Variants in CCDC3 observed in about 807,000 individuals in gnomAD.
CCDC3 encodes coiled-coil domain containing 3.
In CCDC3, 24 loss-of-function variants were observed where a neutral mutation model predicts 21.4. That is an observed-to-expected ratio of 1.12 (90% CI 0.81 to 1.58). The LOEUF is 1.58. CCDC3 is among the 40% of genes most tolerant of loss of function. The pLI is 0.00. For missense variants in CCDC3, 425 were observed against 360.9 expected (o/e 1.18, Z -1.44); for synonymous variants, 186 against 166.0 (o/e 1.12, Z -0.93).
At position 12,922,463 on chromosome 10, in the gene CCDC3, C is replaced by T. The variant is rs1487702269; in HGVS notation, c.550-23784G>A. Among the ~76,000 whole-genome samples the T allele has an allele frequency of 7.2e-5, 11 of 152,180 alleles. No homozygotes were observed. The East Asian group carries it at 1.7e-3, about 24-fold the overall frequency. On this transcript the variant is annotated intron_variant, in intron 2 of 2. Transcript: ENST00000378825. ...AGCAGTTGACCCAACCCCCAGAAACCTATTCTCTCCTCCACAAAATGGGGC... is the reference window on the plus strand; with the variant it reads ...AGCAGTTGACCCAACCCCCAGAAACTTATTCTCTCCTCCACAAAATGGGGC...
chr10:13,089,084 T>G (rs1837148246), intron 3 of CCDC3, among the ~76,000 whole-genome samples: 1 of 151,820 alleles, frequency 6.6e-6, no homozygotes, highest in African/African-American at 2.4e-5. Flanking sequence ...CTACGACAAA[T>G]TCCCTCCTCA....
At chr10:13,066,122 G>T (rs1836817397) in intron 4 of CCDC3, among the ~76,000 whole-genome samples, 1 of 152,052 alleles carries the variant, frequency 6.6e-6, no homozygotes, top group African/African-American at 2.4e-5. Context: ...AATATCTGGA[G>T]TTGAGCCTAG....
chr10:12,996,870 C>G (rs1564314196), intron 2 of CCDC3, among the ~76,000 whole-genome samples: 1 of 152,048 alleles, frequency 6.6e-6, no homozygotes, highest in Non-Finnish European at 1.5e-5. Context: ...ATAATGGGAG[C>G]TAAACATTGA....
intron 2 of CCDC3, among the ~76,000 whole-genome samples, chr10:12,904,081 G>A (rs1021000634): frequency 6.6e-6 from 1 of 151,952 alleles, no homozygotes; most frequent in Non-Finnish European, 1.5e-5. Flanking sequence ...CCAGTCATCG[G>A]TCTGTACACT....
intron 2 of CCDC3, among the ~76,000 whole-genome samples, chr10:12,973,100 TG>T (rs1835366519): frequency 6.6e-6 from 1 of 152,220 alleles, no homozygotes; most frequent in Non-Finnish European, 1.5e-5. Context: ...CCTTACTACG[TG>T]CCAGGTGCTC....
chr10:13,051,037 C>G (rs906560067), intron 4 of CCDC3, among the ~76,000 whole-genome samples: 14 of 152,148 alleles, frequency 9.2e-5, no homozygotes, highest in Admixed American at 9.2e-4. Flanking sequence ...GCCATCCTTC[C>G]ACCTTAGCCA....
At chr10:12,992,432 A>C (rs1038695620) in intron 2 of CCDC3, among the ~76,000 whole-genome samples, 1 of 152,206 alleles carries the variant, frequency 6.6e-6, no homozygotes, top group Admixed American at 6.5e-5. Context: ...CATTGAGATA[A>C]AGAAAATGTA....
chr10:12,988,415 C>A (rs1008306135), intron 2 of CCDC3, among the ~76,000 whole-genome samples: 2 of 152,084 alleles, frequency 1.3e-5, no homozygotes, highest in Non-Finnish European at 2.9e-5. Flanking sequence ...AGTGCAATCT[C>A]AGCTCACTGC....
chr10:12,983,680 A>T (rs1564308719), intron 2 of CCDC3, among the ~76,000 whole-genome samples: 2 of 151,936 alleles, frequency 1.3e-5, no homozygotes, highest in Non-Finnish European at 2.9e-5. Flanking sequence ...AAAAAAAAAA[A>T]AAATGGGCAA....
chr10:12,958,039 C>A (rs1438009107), intron 2 of CCDC3, among the ~76,000 whole-genome samples: 2 of 151,938 alleles, frequency 1.3e-5, no homozygotes, highest in Non-Finnish European at 2.9e-5. Flanking sequence ...GTTGGCCAGG[C>A]TCGGTTCCAA....
chr10:13,007,651 A>G (rs1835940723), intron 5 of CCDC3, among the ~76,000 whole-genome samples: 1 of 152,190 alleles, frequency 6.6e-6, no homozygotes, highest in African/African-American at 2.4e-5. Flanking sequence ...ACACTTCTGA[A>G]GCAATAATGG....
At chr10:13,037,218 T>C (rs1836389032) in intron 5 of CCDC3, among the ~76,000 whole-genome samples, 1 of 152,198 alleles carries the variant, frequency 6.6e-6, no homozygotes, top group Non-Finnish European at 1.5e-5. Context: ...TTAATAATTA[T>C]CAACGTTTTA....
Position 12,943,090 on chromosome 10 carries a change from G to A in CCDC3, c.550-44411C>T, listed in dbSNP as rs142242919. Among the ~76,000 whole-genome samples the A allele has an allele frequency of 6.0e-3, 907 of 152,170 alleles. 9 individuals carry two copies. Among genetic ancestry groups the A allele is most frequent in the African/African-American group, 0.021 (864 of 41,490 alleles). On this transcript the variant is annotated intron_variant, in intron 2 of 2. Coordinates refer to ENST00000378825, the MANE Select transcript of CCDC3 (RefSeq NM_031455.4). Reference sequence around the variant, plus strand: ...ATTACCAAAATTAAGTTATAAAAGAGCTTTATTTAATTGGCTTAAGCGCTT... The same window carrying A: ...ATTACCAAAATTAAGTTATAAAAGAACTTTATTTAATTGGCTTAAGCGCTT...
In CCDC3 at chr10:13,066,004, C is replaced by G. The variant is rs1272086392; in HGVS notation, c.-270+7864G>C. 3.9e-5 allele frequency among the ~76,000 whole-genome samples: 6 copies of G among 152,164 alleles called. 1 individual carries two copies. The East Asian group carries it at 1.2e-3, about 29-fold the overall frequency. ...CTGCAACTGACCAACTCTGCCCTTGCTTAGGGTAATGTTTCTCTAAAAGAG... is the reference window on the plus strand; with the variant it reads ...CTGCAACTGACCAACTCTGCCCTTGGTTAGGGTAATGTTTCTCTAAAAGAG... On this transcript the variant is annotated intron_variant, in intron 4 of 6. Coordinates refer to the CCDC3 transcript ENST00000378839.
At position 13,046,726 on chromosome 10, in the gene CCDC3, G is replaced by A. The variant is rs1472915300; in HGVS notation, c.-2+2948C>T. 2.0e-5 allele frequency among the ~76,000 whole-genome samples: 3 copies of A among 149,530 alleles called. No homozygotes were observed. The Admixed American group carries it at 2.0e-4, about 10-fold the overall frequency. The stretch of plus-strand genomic sequence containing the variant: ...CCGTCTCAAAAAAAAAAAAAAAGAA[G>A]AAGAAGAAGAAGTAGACAAGAATGG... On this transcript the variant is annotated intron_variant, in intron 5 of 6. Coordinates refer to the CCDC3 transcript ENST00000378839.
At chr10:13,021,108 G>C (rs2580882) in intron 5 of CCDC3, among the ~76,000 whole-genome samples, 19,866 of 152,232 alleles carry the variant, frequency 0.13, 1,423 homozygotes, top group Middle Eastern at 0.19. Flanking sequence ...TGTAGGCTTT[G>C]AGGTATAGAC....
At chr10:13,027,122 C>T (rs1332322997) in intron 5 of CCDC3, among the ~76,000 whole-genome samples, 1 of 152,150 alleles carries the variant, frequency 6.6e-6, no homozygotes, top group East Asian at 1.9e-4. Flanking sequence ...GAAAACAAAA[C>T]CTCTGAAGAA....
chr10:12,998,025 G>A (rs1475411467), intron 2 of CCDC3, among the ~76,000 whole-genome samples: 1 of 152,200 alleles, frequency 6.6e-6, no homozygotes, highest in Non-Finnish European at 1.5e-5. Context: ...GCCTGATATA[G>A]ATGCTACTAT....
intron 2 of CCDC3, among the ~76,000 whole-genome samples, chr10:12,934,683 T>A (rs1834707136): frequency 6.6e-6 from 1 of 152,176 alleles, no homozygotes; most frequent in Non-Finnish European, 1.5e-5. Context: ...GTAACCCCAT[T>A]ATTACATAAT....
Sources: gnomAD v4.1 joint callset for allele counts (sites outside exome capture counted in the v4.1 genomes callset) on GRCh38, gnomAD v4.1.1 for gene constraint, MANE v1.5 for transcripts, NCBI Gene and HGNC (gene_info 2026-07-23, HGNC 2026-07-21) for gene names.